NRG1: variants seen among roughly 807,000 people sequenced by gnomAD.
NRG1 encodes the protein pro-neuregulin-1, membrane-bound isoform.
In NRG1, 18 loss-of-function variants were observed where a neutral mutation model predicts 63.8. That is an observed-to-expected ratio of 0.28 (90% CI 0.19 to 0.42). The LOEUF (loss-of-function observed/expected upper bound fraction) is 0.42, where lower values mean the gene tolerates loss of function less well. NRG1 is among the 10% of genes least tolerant of loss of function. The probability of loss-of-function intolerance (pLI) is 1.00; values close to 1 mark genes in which losing one functional copy is unlikely to be tolerated. For missense variants in NRG1, 762 were observed against 814.7 expected, an observed-to-expected ratio of 0.94 and a Z score of 0.79; for synonymous variants, 302 against 301.3, an observed-to-expected ratio of 1.00 and a Z score of -0.02.
intron 1 of NRG1, among the ~76,000 whole-genome samples, chr8:31,745,319 G>A (rs1815737418): frequency 6.6e-6 from 1 of 151,918 alleles, no homozygotes; most frequent in South Asian, 2.1e-4. Flanking sequence ...TATCTGATGA[G>A]TTCAAAGTGC....
chr8:31,953,908 G>A (rs1042477507), intron 1 of NRG1, among the ~76,000 whole-genome samples: 2 of 152,152 alleles, frequency 1.3e-5, no homozygotes, highest in Non-Finnish European at 2.9e-5. Context: ...GAAGTCCCTG[G>A]CTTGTTAGCT....
intron 1 of NRG1, among the ~76,000 whole-genome samples, chr8:32,316,683 C>A (rs2129476372): frequency 6.6e-6 from 1 of 152,070 alleles, no homozygotes; most frequent in East Asian, 1.9e-4. Flanking sequence ...TCCAGCGTTA[C>A]CTTTTCTTTA....
intron 5 of NRG1, among the ~76,000 whole-genome samples, chr8:32,675,493 A>C (rs1445702817): frequency 6.6e-6 from 1 of 152,232 alleles, no homozygotes; most frequent in Admixed American, 6.5e-5. Context: ...TCAGATTTGA[A>C]TAAGAGTAGT....
intron 1 of NRG1, among the ~76,000 whole-genome samples, chr8:32,013,698 C>T (rs1452751816): frequency 6.6e-6 from 1 of 152,104 alleles, no homozygotes; most frequent in Non-Finnish European, 1.5e-5. Flanking sequence ...CCTGTCTGTC[C>T]ACTACCCTAT....
intron 1 of NRG1, among the ~76,000 whole-genome samples, chr8:32,324,263 T>C (rs990317409): frequency 2.0e-5 from 3 of 152,218 alleles, no homozygotes; most frequent in African/African-American, 7.2e-5. Context: ...ATGGTCCTTA[T>C]TGCAGAAAGC....
intron 1 of NRG1, among the ~76,000 whole-genome samples, chr8:31,885,596 C>T (rs569856178): frequency 7.2e-5 from 11 of 152,210 alleles, no homozygotes; most frequent in Admixed American, 5.2e-4. Flanking sequence ...GCACTCTCAT[C>T]ACATATATTG....
chr8:32,306,860 T>C (rs533533423), intron 1 of NRG1, among the ~76,000 whole-genome samples: 156 of 152,318 alleles, frequency 1.0e-3, no homozygotes, highest in Admixed American at 4.1e-3. Flanking sequence ...AATCCAGTGA[T>C]TCGTGATCTG....
chr8:32,027,973 G>T (rs965876118), intron 1 of NRG1, among the ~76,000 whole-genome samples: 1 of 152,262 alleles, frequency 6.6e-6, no homozygotes, highest in African/African-American at 2.4e-5. Context: ...CATTTTTCTT[G>T]CTTGGGTAAA....
intron 1 of NRG1, among the ~76,000 whole-genome samples, chr8:31,985,971 A>G (rs1324984639): frequency 1.3e-5 from 2 of 152,032 alleles, no homozygotes; most frequent in African/African-American, 2.4e-5. Context: ...ATACCATTGC[A>G]TCAACTCTTT....
intron 1 of NRG1, among the ~76,000 whole-genome samples, chr8:32,340,013 C>G (rs985919466): frequency 6.6e-6 from 1 of 152,036 alleles, no homozygotes; most frequent in African/African-American, 2.4e-5. Flanking sequence ...ACTTGACTTT[C>G]TCCTTCCCCT....
At chr8:32,012,981 G>A (rs1814984843) in intron 1 of NRG1, among the ~76,000 whole-genome samples, 1 of 152,060 alleles carries the variant, frequency 6.6e-6, no homozygotes, top group Non-Finnish European at 1.5e-5. Context: ...GAAATTGAAT[G>A]AGAAAGAGAT....
intron 1 of NRG1, among the ~76,000 whole-genome samples, chr8:32,325,585 A>C (rs6998765): frequency 0.19 from 28,915 of 151,876 alleles, 3,099 homozygotes; most frequent in Middle Eastern, 0.31. Flanking sequence ...CACCATGTTG[A>C]CCAGGCTGGT....
chr8:31,969,419 C>G (rs1000723305), intron 1 of NRG1, among the ~76,000 whole-genome samples: 17 of 152,134 alleles, frequency 1.1e-4, no homozygotes, highest in Admixed American at 2.0e-4. Flanking sequence ...ATAACCCTGT[C>G]AAGGTGCTTT....
chr8:31,865,053 G>A (rs1209890062), intron 1 of NRG1, among the ~76,000 whole-genome samples: 1 of 152,132 alleles, frequency 6.6e-6, no homozygotes, highest in Non-Finnish European at 1.5e-5. Flanking sequence ...GGGCACAGAG[G>A]CTAACGAACG....
chr8:32,035,824 G>T (rs1243741319), intron 1 of NRG1, among the ~76,000 whole-genome samples: 3 of 152,030 alleles, frequency 2.0e-5, no homozygotes, highest in Non-Finnish European at 4.4e-5. Context: ...TTGGGTCTCT[G>T]TGCAGCTTTA....
At chr8:32,473,370 T>G (rs1424308900) in intron 1 of NRG1, among the ~76,000 whole-genome samples, 2 of 152,246 alleles carry the variant, frequency 1.3e-5, no homozygotes, top group Non-Finnish European at 2.9e-5. Flanking sequence ...CTTCATTTTA[T>G]GGTTGAGGAA....
At chr8:31,914,092 G>A (rs930827605) in intron 1 of NRG1, among the ~76,000 whole-genome samples, 16 of 152,132 alleles carry the variant, frequency 1.1e-4, no homozygotes, top group African/African-American at 3.1e-4. Context: ...GCCCCCTGGA[G>A]CTCTATTCCC....
At chr8:32,373,670 G>A (rs1216120453) in intron 1 of NRG1, among the ~76,000 whole-genome samples, 1 of 151,976 alleles carries the variant, frequency 6.6e-6, no homozygotes, top group South Asian at 2.1e-4. Context: ...CCCAGCTACT[G>A]GGGAGGATGA....
In NRG1 at chr8:32,285,246, C is replaced by T. The variant is rs577213281; in HGVS notation, c.38-310582C>T. On this transcript the variant is annotated intron_variant, in intron 1 of 10. Transcript: ENST00000519301. ...CCAAATGCATCACCTGTTTTACAGA[C>T]GAGCAACCTGAAGTTCGGAGAGGTG... Among the ~76,000 whole-genome samples the T allele has an allele frequency of 9.9e-5, 15 of 152,236 alleles. No individual in the cohort carries two copies. The East Asian group carries it at 1.7e-3, about 18-fold the overall frequency.
Sources: gnomAD v4.1 joint callset for allele counts (sites outside exome capture counted in the v4.1 genomes callset) on GRCh38, gnomAD v4.1.1 for gene constraint, MANE v1.5 for transcripts, NCBI Gene and HGNC (gene_info 2026-07-23, HGNC 2026-07-21) for gene names.